GIPC2: variants seen among roughly 807,000 people sequenced by gnomAD.
GIPC2 encodes PDZ domain-containing protein GIPC2.
GIPC2 carries 30 observed loss-of-function variants against 30.6 expected under a neutral mutation model. That is an observed-to-expected ratio of 0.98 (90% CI 0.73 to 1.33). GIPC2 has a LOEUF of 1.33. GIPC2 is among the 40% of genes most tolerant of loss of function. The pLI, the probability that GIPC2 is intolerant of heterozygous loss-of-function variation, is 0.00. For synonymous variants in GIPC2, 167 were observed against 150.0 expected, an observed-to-expected ratio of 1.11 and a Z score of -0.83; for missense variants, 414 against 390.3, an observed-to-expected ratio of 1.06 and a Z score of -0.51.
intron 2 of GIPC2, among the ~76,000 whole-genome samples, chr1:78,093,222 TTTC>T (rs1033827384): frequency 3.3e-5 from 5 of 152,204 alleles, no homozygotes; most frequent in Non-Finnish European, 5.9e-5. Context: ...TTAATAGTTT[TTTC>T]TTCTTTAGAC....
intron 1 of GIPC2, among the ~76,000 whole-genome samples, chr1:78,047,309 A>C (rs985595501): frequency 2.6e-5 from 4 of 152,196 alleles, no homozygotes; most frequent in Non-Finnish European, 5.9e-5. Flanking sequence ...TTTGAGGCCT[A>C]CAGCGGCACC....
chr1:78,057,560 C>A (rs1430841409), intron 1 of GIPC2, among the ~76,000 whole-genome samples: 1 of 152,012 alleles, frequency 6.6e-6, no homozygotes, highest in African/African-American at 2.4e-5. Flanking sequence ...TATAAAGAAC[C>A]AAATACAGGG....
chr1:78,089,711 C>T (rs1331123840), intron 2 of GIPC2, among the ~76,000 whole-genome samples: 1 of 152,116 alleles, frequency 6.6e-6, no homozygotes, highest in Non-Finnish European at 1.5e-5. Context: ...ATCTAAGTCT[C>T]AACATTTCTA....
chr1:78,056,627 A>T (rs1661302896), intron 1 of GIPC2, among the ~76,000 whole-genome samples: 1 of 152,214 alleles, frequency 6.6e-6, no homozygotes, highest in African/African-American at 2.4e-5. Context: ...ATTAAATATA[A>T]CACAAGTAGA....
In GIPC2 at chr1:78,095,098, T is replaced by C; in HGVS notation, c.573T>C (p.Phe191=). 1 of 1,612,996 alleles carries C rather than the reference T, an allele frequency of 6.2e-7. No homozygotes were observed. The highest frequency in any genetic ancestry group is 2.2e-5 in the East Asian group (1 of 44,864). ...AGGAATTAAAAAAGGAGGAACTCTT[T>C]ACTATGAAGTTAATAGAACCTAAGA... ...KLKELKKEEL[F]TMKLIEPKKA... The change falls in exon 3 of 6, where the codon TTT becomes TTC. Residue 191 remains phenylalanine (F), a synonymous_variant. Transcript: ENST00000370759.
intron 1 of GIPC2, chr1:78,069,006 C>A: frequency 1.1e-6 from 1 of 893,136 alleles, no homozygotes; most frequent in Non-Finnish European, 1.3e-6. Context: ...TGCTCTGCCT[C>A]CCCTAGCACC....
chr1:78,048,995 A>G (rs1310673647), intron 1 of GIPC2, among the ~76,000 whole-genome samples: 1 of 152,224 alleles, frequency 6.6e-6, no homozygotes, highest in East Asian at 1.9e-4. Flanking sequence ...TTATATGCAG[A>G]ATAAAGTATT....
intron 3 of GIPC2, among the ~76,000 whole-genome samples, chr1:78,096,941 T>G (rs534654464): frequency 6.6e-6 from 1 of 152,212 alleles, no homozygotes; most frequent in Non-Finnish European, 1.5e-5. Context: ...TGTGGATTGA[T>G]TCTTGACTCT....
At position 78,137,570 on chromosome 1, in the gene GIPC2, G is replaced by C. The variant is rs1034626937; in HGVS notation, c.*1827G>C. On this transcript the variant is annotated 3_prime_UTR_variant, in exon 6 of 6. Coordinates refer to ENST00000370759, the MANE Select transcript of GIPC2 (RefSeq NM_017655.6). ...TTTCACAATGATCTTTCTAGAATTT[G>C]TGTGTAAGGTTGTGATATCCATGTA... 6.6e-6 allele frequency: 1 copy of C among 152,108 alleles called. No homozygotes were observed. Among genetic ancestry groups the C allele is most frequent in the Admixed American group, 6.5e-5 (1 of 15,278 alleles). 9.4% of individuals were successfully genotyped at this position (152,108 alleles called of 1,614,324 possible). A position where few individuals can be genotyped will look rare whatever the true frequency, so the allele number is the denominator to read the frequency against.
chr1:78,131,430 G>A (rs908628877), intron 5 of GIPC2, among the ~76,000 whole-genome samples: 4 of 151,908 alleles, frequency 2.6e-5, no homozygotes, highest in African/African-American at 4.8e-5. Flanking sequence ...GGATGGTCTC[G>A]ATCTCCTGAT....
At chr1:78,121,702 A>G (rs764947642) in intron 4 of GIPC2, among the ~76,000 whole-genome samples, 1 of 152,128 alleles carries the variant, frequency 6.6e-6, no homozygotes, top group Non-Finnish European at 1.5e-5. Flanking sequence ...AGGAGATATG[A>G]TGAGGTATGT....
chr1:78,055,821 T>A (rs1661284969), intron 1 of GIPC2, among the ~76,000 whole-genome samples: 1 of 152,230 alleles, frequency 6.6e-6, no homozygotes, highest in African/African-American at 2.4e-5. Flanking sequence ...TAAGGAGTCC[T>A]GCAGGAGAGA....
intron 2 of GIPC2, chr1:78,094,745 G>A: frequency 2.3e-6 from 1 of 430,674 alleles, no homozygotes; most frequent in Non-Finnish European, 4.2e-6. Flanking sequence ...GCATTGTTAT[G>A]TCAATACATT....
chr1:78,066,385 C>A (rs1406911450), intron 1 of GIPC2, among the ~76,000 whole-genome samples: 1 of 152,140 alleles, frequency 6.6e-6, no homozygotes, highest in African/African-American at 2.4e-5. Flanking sequence ...CAAAAAATAA[C>A]AGATGCTGGT....
At chr1:78,051,134 G>A (rs781554756) in intron 1 of GIPC2, among the ~76,000 whole-genome samples, 5 of 149,960 alleles carry the variant, frequency 3.3e-5, no homozygotes, top group African/African-American at 4.9e-5. Context: ...AAGAAAAGAC[G>A]TATAATAAAA....
intron 2 of GIPC2, among the ~76,000 whole-genome samples, chr1:78,094,132 C>A (rs1183231809): frequency 6.6e-6 from 1 of 152,196 alleles, no homozygotes; most frequent in African/African-American, 2.4e-5. Flanking sequence ...CCATACTTAT[C>A]TTTTATTGGG....
chr1:78,119,739 C>T (rs1485729642), intron 4 of GIPC2, among the ~76,000 whole-genome samples: 2 of 152,092 alleles, frequency 1.3e-5, no homozygotes, highest in Non-Finnish European at 2.9e-5. Context: ...TGGACTCTCT[C>T]AAAAACTTAA....
Position 78,119,961 on chromosome 1 carries a change from A to G in GIPC2, c.714+462A>G, listed in dbSNP as rs113676000. Among the ~76,000 whole-genome samples, 473 of 152,244 alleles carry G rather than the reference A, an allele frequency of 3.1e-3. 1 individual carries two copies. The highest frequency in any genetic ancestry group is 0.011 in the African/African-American group (453 of 41,546). Reference sequence around the variant, plus strand: ...TACCTCTATAAGATACTGGAGTCCAATGACTTCTTACCACCCCTGCCCACC... The same window carrying G: ...TACCTCTATAAGATACTGGAGTCCAGTGACTTCTTACCACCCCTGCCCACC... On this transcript the variant is annotated intron_variant, in intron 4 of 5. Coordinates refer to ENST00000370759, the MANE Select transcript of GIPC2 (RefSeq NM_017655.6).
chr1:78,120,621 C>T (rs530476167), intron 4 of GIPC2, among the ~76,000 whole-genome samples: 1 of 152,276 alleles, frequency 6.6e-6, no homozygotes, highest in South Asian at 2.1e-4. Flanking sequence ...TTCCACATGT[C>T]TGGGGAGGCC....
Sources: allele counts gnomAD v4.1 joint callset (sites outside exome capture counted in the v4.1 genomes callset), GRCh38; gene constraint gnomAD v4.1.1; transcripts MANE v1.5; gene names NCBI Gene and HGNC (gene_info 2026-07-23, HGNC 2026-07-21).